MMS22L: variants seen among roughly 807,000 people sequenced by gnomAD.
MMS22L encodes the protein MMS22 like, DNA repair protein.
A neutral mutation model predicts 159.1 loss-of-function variants in MMS22L; 74 were observed. The ratio of observed to expected loss-of-function variants is 0.47; its 90% confidence interval spans 0.39 to 0.56. MMS22L has a LOEUF of 0.56. MMS22L is among the 20% of genes least tolerant of loss of function. The probability of loss-of-function intolerance (pLI) is 0.00; values close to 1 mark genes in which losing one functional copy is unlikely to be tolerated. For synonymous variants in MMS22L, 517 were observed against 506.9 expected, an observed-to-expected ratio of 1.02 and a Z score of -0.27; for missense variants, 1,351 against 1,422.1, an observed-to-expected ratio of 0.95 and a Z score of 0.80.
At chr6:97,200,744 T>C (rs953876251) in intron 14 of MMS22L, among the ~76,000 whole-genome samples, 19 of 152,102 alleles carry the variant, frequency 1.2e-4, no homozygotes, top group African/African-American at 4.6e-4. Context: ...GCAACAGTGC[T>C]ATAGGAGCAG....
chr6:97,265,719 CTTTTTTT>C (rs936341845), intron 8 of MMS22L: 11 of 143,548 alleles, frequency 7.7e-5, no homozygotes, highest in East Asian at 2.0e-4. Flanking sequence ...TTTCTTTTTT[CTTTTTTT>C]TTTTTTGAGG....
At chr6:97,153,871 C>T (rs1455955672) in intron 22 of MMS22L, among the ~76,000 whole-genome samples, 10 of 152,070 alleles carry the variant, frequency 6.6e-5, no homozygotes, top group Non-Finnish European at 8.8e-5. Context: ...ATCCATCAAA[C>T]GATGAGTATT....
rs199919199 is a variant in MMS22L, at chr6:97,168,177, C to T, written c.2903G>A (p.Arg968Gln). The change falls in exon 20 of 25, where the codon CGG becomes CAG. Residue 968 changes from arginine to glutamine, a missense_variant. Physicochemically the swap from Arg to Gln is conservative, Grantham distance 43 (BLOSUM62 1). Transcript: ENST00000683635. ...ATSKAQKLLF[R>Q]IIDCLLLPHA... ...TGGCAGCAGTAAACAATCTATGATC[C>T]GGAATAGTAATTTTTGGGCTTTAGA... The T allele has an allele frequency of 2.0e-4, 317 of 1,612,932 alleles. No individual in the cohort carries two copies. Among genetic ancestry groups the T allele is most frequent in the Non-Finnish European group, 1.7e-4 (195 of 1,179,414 alleles).
At chr6:97,202,458 G>A (rs1562453682) in intron 14 of MMS22L, among the ~76,000 whole-genome samples, 1 of 152,148 alleles carries the variant, frequency 6.6e-6, no homozygotes, top group Non-Finnish European at 1.5e-5. Flanking sequence ...TAGCATTATG[G>A]GAGGGATCCT....
intron 19 of MMS22L, among the ~76,000 whole-genome samples, chr6:97,170,809 C>A (rs1044054368): frequency 6.6e-6 from 1 of 152,140 alleles, no homozygotes; most frequent in African/African-American, 2.4e-5. Context: ...GAGTTCAAGA[C>A]CAGCTTTGGT....
chr6:97,270,997 T>G (rs559241535), intron 6 of MMS22L: 1 of 152,212 alleles, frequency 6.6e-6, no homozygotes, highest in East Asian at 1.9e-4. Flanking sequence ...GAAAGTCAGC[T>G]TACTTGATGA....
chr6:97,177,089 CCATTCAAT>C (rs1804202551), intron 18 of MMS22L, among the ~76,000 whole-genome samples: 1 of 152,090 alleles, frequency 6.6e-6, no homozygotes, highest in Non-Finnish European at 1.5e-5. Context: ...AATCCCACAA[CCATTCAAT>C]CTTTGATTCC....
intron 14 of MMS22L, among the ~76,000 whole-genome samples, chr6:97,194,065 T>A (rs1464326251): frequency 7.6e-6 from 1 of 132,078 alleles, no homozygotes; most frequent in Non-Finnish European, 1.6e-5. Flanking sequence ...CTGGCCTCAT[T>A]TGTTTATTTT....
chr6:97,230,092 G>A (rs1810693726), intron 13 of MMS22L, among the ~76,000 whole-genome samples: 1 of 151,672 alleles, frequency 6.6e-6, no homozygotes, highest in Non-Finnish European at 1.5e-5. Flanking sequence ...AGTTGTTGTT[G>A]GTTTTTTGTT....
chr6:97,267,858 T>C lies in MMS22L; in HGVS notation c.828+14A>G, dbSNP rs369349107. ...GTCTTTAAGTCTCAAAAATACAAAC[T>C]CTTAAAGCATTACCTTGTCGTACCT... On this transcript the variant is annotated intron_variant, in intron 8 of 24. Coordinates refer to ENST00000683635, the MANE Select transcript of MMS22L (RefSeq NM_001350599.2). 6.3e-7 allele frequency: 1 copy of C among 1,589,532 alleles called. No individual in the cohort carries two copies. Among genetic ancestry groups the C allele is most frequent in the Admixed American group, 1.9e-5 (1 of 53,890 alleles).
In MMS22L at chr6:97,166,533, C is replaced by T. The variant is rs1802975994; in HGVS notation, c.3010-1076G>A. Among the ~76,000 whole-genome samples, 3 of 151,768 alleles carry T rather than the reference C, an allele frequency of 2.0e-5. No homozygotes were observed. The South Asian group carries it at 6.2e-4, about 32-fold the overall frequency. Reference sequence around the variant, plus strand: ...AACAATGAACCCCTCCCCCAACCCACCCGCCACCACCAACTCTGTTTCTTG... The same window carrying T: ...AACAATGAACCCCTCCCCCAACCCATCCGCCACCACCAACTCTGTTTCTTG... On this transcript the variant is annotated intron_variant, in intron 20 of 24. Transcript: ENST00000683635.
Position 97,219,145 on chromosome 6 carries a change from A to G in MMS22L, c.2039+9749T>C, listed in dbSNP as rs902880525. On this transcript the variant is annotated intron_variant, in intron 14 of 24. Coordinates refer to ENST00000683635, the MANE Select transcript of MMS22L (RefSeq NM_001350599.2). The stretch of plus-strand genomic sequence containing the variant: ...CGACACGTGGGGATTACAATTTGAG[A>G]TAAGATTTGAGTGGGGACACAGAGC... Among the ~76,000 whole-genome samples, 104 of 152,168 alleles carry G rather than the reference A, an allele frequency of 6.8e-4. 1 individual carries two copies. Among genetic ancestry groups the G allele is most frequent in the Admixed American group, 2.7e-3 (42 of 15,282 alleles).
intron 4 of MMS22L, among the ~76,000 whole-genome samples, chr6:97,276,738 T>G (rs1307484569): frequency 1.3e-5 from 2 of 152,248 alleles, no homozygotes; most frequent in Non-Finnish European, 2.9e-5. Flanking sequence ...GCCTAGCTAA[T>G]TTCTTCCCAT....
At chr6:97,257,056 T>G (rs1169482497) in intron 9 of MMS22L, among the ~76,000 whole-genome samples, 1 of 152,210 alleles carries the variant, frequency 6.6e-6, no homozygotes, top group African/African-American at 2.4e-5. Context: ...CTGGGTGTGT[T>G]TTTTCTTTTT....
chr6:97,206,509 A>C (rs1031431213), intron 14 of MMS22L, among the ~76,000 whole-genome samples: 2 of 152,154 alleles, frequency 1.3e-5, no homozygotes, highest in African/African-American at 4.8e-5. Context: ...TGAACTATAT[A>C]ATAAAACAAA....
intron 11 of MMS22L, among the ~76,000 whole-genome samples, chr6:97,234,260 A>G (rs185679608): frequency 2.0e-4 from 30 of 152,284 alleles, no homozygotes. Context: ...ATTGAATGGT[A>G]CTGGAAACCC....
At chr6:97,193,775 T>G (rs1339715338) in intron 14 of MMS22L, among the ~76,000 whole-genome samples, 1 of 152,206 alleles carries the variant, frequency 6.6e-6, no homozygotes, top group Non-Finnish European at 1.5e-5. Context: ...TTTATTTATT[T>G]TTTGAGACGG....
intron 22 of MMS22L, among the ~76,000 whole-genome samples, chr6:97,159,456 G>A (rs1802199743): frequency 6.6e-6 from 1 of 151,362 alleles, no homozygotes; most frequent in Admixed American, 6.6e-5. Context: ...CCCTTTTTGT[G>A]GTATTGTTAT....
intron 21 of MMS22L, among the ~76,000 whole-genome samples, chr6:97,164,132 T>G (rs569126163): frequency 6.6e-6 from 1 of 151,736 alleles, no homozygotes; most frequent in East Asian, 1.9e-4. Flanking sequence ...CTAGGTATAA[T>G]GCACTAAGGG....
Sources: allele counts gnomAD v4.1 joint callset (sites outside exome capture counted in the v4.1 genomes callset), GRCh38; gene constraint gnomAD v4.1.1; transcripts MANE v1.5; gene names NCBI Gene and HGNC (gene_info 2026-07-23, HGNC 2026-07-21).